The following MACROD2 variants were observed in gnomAD, a reference collection of about 807,000 sequenced individuals.
MACROD2 encodes the protein ADP-ribose glycohydrolase MACROD2.
Under a neutral mutation model 70.4 loss-of-function variants are expected in MACROD2, and 36 were observed. That is an observed-to-expected ratio of 0.51 (90% CI 0.39 to 0.68). The LOEUF is 0.68. Among genes scored for constraint, MACROD2 ranks in the 30% least tolerant of loss-of-function variants. The probability of loss-of-function intolerance (pLI) is 0.00; values close to 1 mark genes in which losing one functional copy is unlikely to be tolerated. For missense variants in MACROD2, 496 were observed against 538.4 expected, an observed-to-expected ratio of 0.92 and a Z score of 0.78; for synonymous variants, 172 against 178.8, an observed-to-expected ratio of 0.96 and a Z score of 0.30.
chr20:14,940,541 C>T (rs2074381396), intron 5 of MACROD2, among the ~76,000 whole-genome samples: 1 of 152,154 alleles, frequency 6.6e-6, no homozygotes, highest in Admixed American at 6.5e-5. Flanking sequence ...TGGGTTTTGT[C>T]ATATAGCCTT....
intron 3 of MACROD2, among the ~76,000 whole-genome samples, chr20:14,301,478 C>T (rs539253048): frequency 6.6e-6 from 1 of 152,154 alleles, no homozygotes; most frequent in East Asian, 1.9e-4. Context: ...ATAAGACTGC[C>T]AAGCATTTTC....
intron 5 of MACROD2, among the ~76,000 whole-genome samples, chr20:15,165,493 A>C (rs1039303701): frequency 7.9e-5 from 12 of 152,224 alleles, no homozygotes; most frequent in African/African-American, 2.9e-4. Context: ...TCGGAAACTT[A>C]GATATGATGA....
intron 5 of MACROD2, among the ~76,000 whole-genome samples, chr20:15,068,298 G>T (rs2075593234): frequency 6.6e-6 from 1 of 152,078 alleles, no homozygotes; most frequent in Non-Finnish European, 1.5e-5. Flanking sequence ...ACTTGTGATT[G>T]ACTTCAGCAT....
At chr20:15,310,067 A>G (rs1432348687) in intron 6 of MACROD2, among the ~76,000 whole-genome samples, 1 of 152,176 alleles carries the variant, frequency 6.6e-6, no homozygotes, top group Non-Finnish European at 1.5e-5. Flanking sequence ...TGGCCAGATT[A>G]ATTTATTTAG....
At position 15,173,280 on chromosome 20, in the gene MACROD2, A is replaced by T. The variant is rs1204472273; in HGVS notation, c.419-56660A>T. ...TGATTTCCTGAAAATGCTTCCTTTGATATTTGCTTGGATGAGAAAGTGAGA... is the reference window on the plus strand; with the variant it reads ...TGATTTCCTGAAAATGCTTCCTTTGTTATTTGCTTGGATGAGAAAGTGAGA... On this transcript the variant is annotated intron_variant, in intron 5 of 17. Transcript: ENST00000684519. 2.0e-5 allele frequency among the ~76,000 whole-genome samples: 3 copies of T among 152,118 alleles called. No individual in the cohort carries two copies. In the East Asian group the frequency reaches 5.8e-4, roughly 29 times the overall value.
chr20:15,078,328 C>T (rs1367652007), intron 5 of MACROD2, among the ~76,000 whole-genome samples: 2 of 152,100 alleles, frequency 1.3e-5, no homozygotes, highest in Non-Finnish European at 2.9e-5. Context: ...TCCAAAGTAC[C>T]CCTTCTCCTA....
chr20:15,907,687 A>G (rs2065168827), intron 10 of MACROD2, among the ~76,000 whole-genome samples: 1 of 152,176 alleles, frequency 6.6e-6, no homozygotes, highest in African/African-American at 2.4e-5. Context: ...GTGGACAGTC[A>G]TTTTGCTAAT....
intron 8 of MACROD2, among the ~76,000 whole-genome samples, chr20:15,766,848 C>T (rs1363461179): frequency 6.6e-6 from 1 of 152,252 alleles, no homozygotes; most frequent in South Asian, 2.1e-4. Context: ...TTGGAGTTCT[C>T]TCCATGCGGG....
intron 5 of MACROD2, among the ~76,000 whole-genome samples, chr20:15,120,656 A>G (rs1273513902): frequency 6.6e-6 from 1 of 152,224 alleles, no homozygotes; most frequent in Admixed American, 6.5e-5. Flanking sequence ...TGTTTAATCA[A>G]TTGTTAGACT....
chr20:14,424,575 G>T (rs1366494547), intron 3 of MACROD2, among the ~76,000 whole-genome samples: 2 of 152,176 alleles, frequency 1.3e-5, no homozygotes, highest in Admixed American at 1.3e-4. Flanking sequence ...TACAATTTAG[G>T]TTGATTGTTA....
chr20:14,161,482 G>A (rs919202339), intron 3 of MACROD2, among the ~76,000 whole-genome samples: 6 of 148,772 alleles, frequency 4.0e-5, no homozygotes, highest in Admixed American at 6.7e-5. Flanking sequence ...CACTGCGCCC[G>A]GCCAATTTCA....
At chr20:15,092,758 C>A (rs2075801675) in intron 5 of MACROD2, among the ~76,000 whole-genome samples, 1 of 152,004 alleles carries the variant, frequency 6.6e-6, no homozygotes, top group African/African-American at 2.4e-5. Context: ...TCTGTTTATT[C>A]CACAGGTAAA....
In MACROD2 at chr20:14,249,138, T is replaced by G. The variant is rs1331057224; in HGVS notation, c.271+163410T>G. On this transcript the variant is annotated intron_variant, in intron 3 of 17. Transcript: ENST00000684519. ...TCTATGATTTCAAAGGTTTTTTTTT[T>G]TTTTTTTTTTTTGGTAGATGACACA... Among the ~76,000 whole-genome samples the G allele has an allele frequency of 1.0e-4, 15 of 149,840 alleles. No individual in the cohort carries two copies. In the East Asian group the frequency reaches 2.9e-3, roughly 29 times the overall value.
intron 8 of MACROD2, among the ~76,000 whole-genome samples, chr20:15,590,955 AAGAAAAAG>A (rs2048669620): frequency 7.6e-6 from 1 of 131,250 alleles, no homozygotes; most frequent in African/African-American, 2.5e-5. Context: ...GAAAGAAAGA[AAGAAAAAG>A]AAAGAAAGAA....
At chr20:15,135,581 A>C in intron 5 of MACROD2, among the ~76,000 whole-genome samples, 1 of 134,350 alleles carries the variant, frequency 7.4e-6, no homozygotes, top group African/African-American at 2.8e-5. Context: ...AATAAGAGCT[A>C]TCTATGACAA....
At chr20:15,309,622 G>T (rs1374733997) in intron 6 of MACROD2, among the ~76,000 whole-genome samples, 1 of 152,052 alleles carries the variant, frequency 6.6e-6, no homozygotes, top group East Asian at 1.9e-4. Context: ...TTATATATTT[G>T]CTTGGTATCA....
At chr20:14,279,616 G>A (rs1197688627) in intron 3 of MACROD2, among the ~76,000 whole-genome samples, 1 of 152,044 alleles carries the variant, frequency 6.6e-6, no homozygotes, top group Non-Finnish European at 1.5e-5. Context: ...TAACTTCCTT[G>A]TGGTCCCTCA....
At chr20:15,268,792 C>T (rs1461073462) in intron 6 of MACROD2, among the ~76,000 whole-genome samples, 1 of 152,112 alleles carries the variant, frequency 6.6e-6, no homozygotes, top group Non-Finnish European at 1.5e-5. Context: ...AATGAGTTAA[C>T]TAATGAACAA....
At chr20:15,635,883 C>T (rs898827446) in intron 8 of MACROD2, among the ~76,000 whole-genome samples, 3 of 151,842 alleles carry the variant, frequency 2.0e-5, no homozygotes, top group African/African-American at 7.3e-5. Flanking sequence ...GCCTGGCCAA[C>T]ATGGCAAAAC....
Sources: gnomAD v4.1 joint callset for allele counts (sites outside exome capture counted in the v4.1 genomes callset) on GRCh38, gnomAD v4.1.1 for gene constraint, MANE v1.5 for transcripts, NCBI Gene and HGNC (gene_info 2026-07-23, HGNC 2026-07-21) for gene names.